SGCZ: variants seen among roughly 807,000 people sequenced by gnomAD.
The protein encoded by SGCZ is sarcoglycan zeta.
Under a neutral mutation model 41.3 loss-of-function variants are expected in SGCZ, and 40 were observed. The observed-to-expected ratio is 0.97, with a 90% CI of 0.75 to 1.26. The LOEUF is 1.26. Among genes scored for constraint, SGCZ ranks in the 50% most tolerant of loss-of-function variants. The probability of loss-of-function intolerance (pLI) is 0.00; values close to 1 mark genes in which losing one functional copy is unlikely to be tolerated. For synonymous variants in SGCZ, 206 were observed against 137.5 expected (o/e 1.50, Z -3.49); for missense variants, 552 against 369.8 (o/e 1.49, Z -4.04).
At chr8:14,371,276 G>C (rs2117161830) in intron 2 of SGCZ, among the ~76,000 whole-genome samples, 1 of 151,996 alleles carries the variant, frequency 6.6e-6, no homozygotes, top group South Asian at 2.1e-4. Flanking sequence ...TCCTGAATAA[G>C]ATATCAGAAA....
intron 3 of SGCZ, among the ~76,000 whole-genome samples, chr8:14,255,437 G>C (rs7816517): frequency 0.59 from 89,780 of 151,864 alleles, 27,411 homozygotes; most frequent in South Asian, 0.75. Flanking sequence ...TTAGCTTACT[G>C]CTTCTAATGC....
At chr8:14,527,939 A>C (rs758611761) in intron 2 of SGCZ, among the ~76,000 whole-genome samples, 1 of 152,070 alleles carries the variant, frequency 6.6e-6, no homozygotes, top group South Asian at 2.1e-4. Context: ...ATGCAAAAAC[A>C]TACTGTGAGC....
intron 2 of SGCZ, among the ~76,000 whole-genome samples, chr8:14,442,198 C>G (rs1197806550): frequency 6.6e-6 from 1 of 152,182 alleles, no homozygotes; most frequent in Non-Finnish European, 1.5e-5. Context: ...CACAAAATTC[C>G]CATGTGTCAT....
At chr8:14,683,838 G>A (rs899341586) in intron 1 of SGCZ, among the ~76,000 whole-genome samples, 4 of 152,034 alleles carry the variant, frequency 2.6e-5, no homozygotes, top group Non-Finnish European at 5.9e-5. Flanking sequence ...AGATTAATTA[G>A]CTTATCTGGA....
intron 1 of SGCZ, among the ~76,000 whole-genome samples, chr8:14,943,729 C>G (rs893845816): frequency 1.3e-5 from 2 of 152,162 alleles, no homozygotes; most frequent in Non-Finnish European, 2.9e-5. Context: ...CTCCCATCTT[C>G]CAAACTTCAC....
intron 1 of SGCZ, among the ~76,000 whole-genome samples, chr8:14,661,729 G>C (rs1291186259): frequency 2.0e-5 from 3 of 151,960 alleles, no homozygotes; most frequent in African/African-American, 4.8e-5. Context: ...AAGGAGAGTA[G>C]AGTAACACAT....
At chr8:14,219,542 T>A (rs978913591) in intron 4 of SGCZ, among the ~76,000 whole-genome samples, 2 of 151,878 alleles carry the variant, frequency 1.3e-5, no homozygotes, top group Non-Finnish European at 2.9e-5. Flanking sequence ...AGGTCAGGAG[T>A]TCGAGACCAG....
At chr8:14,758,492 T>C (rs1398290800) in intron 1 of SGCZ, among the ~76,000 whole-genome samples, 3 of 152,166 alleles carry the variant, frequency 2.0e-5, no homozygotes, top group African/African-American at 7.2e-5. Context: ...ACATTCGAAT[T>C]GGTTTCTAAT....
chr8:14,349,044 T>C (rs1052350472), intron 2 of SGCZ, among the ~76,000 whole-genome samples: 1 of 152,108 alleles, frequency 6.6e-6, no homozygotes, highest in Non-Finnish European at 1.5e-5. Context: ...TTTTTAATAC[T>C]AAGAGGAATG....
intron 1 of SGCZ, among the ~76,000 whole-genome samples, chr8:15,088,980 TAAC>T (rs1314677797): frequency 1.8e-4 from 28 of 152,288 alleles, no homozygotes; most frequent in African/African-American, 5.8e-4. Context: ...CTAATGTTCA[TAAC>T]AGTAAACACC....
At chr8:14,317,655 G>T (rs1490798205) in intron 3 of SGCZ, among the ~76,000 whole-genome samples, 1 of 151,870 alleles carries the variant, frequency 6.6e-6, no homozygotes, top group Non-Finnish European at 1.5e-5. Flanking sequence ...AAATGTTTCT[G>T]AACAACACGA....
At chr8:14,731,069 T>C (rs1048212236) in intron 1 of SGCZ, among the ~76,000 whole-genome samples, 7 of 151,866 alleles carry the variant, frequency 4.6e-5, no homozygotes, top group East Asian at 1.9e-4. Context: ...AATTCTACCA[T>C]AAACACACAT....
chr8:14,761,668 G>T (rs987559599), intron 1 of SGCZ, among the ~76,000 whole-genome samples: 1 of 151,542 alleles, frequency 6.6e-6, no homozygotes, highest in Non-Finnish European at 1.5e-5. Context: ...TGGGATTACC[G>T]GTATGCGCCG....
chr8:14,144,743 AGCCTATT>A (rs1371171120), intron 5 of SGCZ, among the ~76,000 whole-genome samples: 3 of 152,024 alleles, frequency 2.0e-5, no homozygotes, highest in Non-Finnish European at 4.4e-5. Context: ...GCCAGAGGGG[AGCCTATT>A]GCCCTGAAGC....
At chr8:15,215,358 G>C (rs1801364172) in intron 1 of SGCZ, among the ~76,000 whole-genome samples, 1 of 152,282 alleles carries the variant, frequency 6.6e-6, no homozygotes, top group South Asian at 2.1e-4. Flanking sequence ...AAACCTTTCA[G>C]AAAAATTCCA....
intron 1 of SGCZ, among the ~76,000 whole-genome samples, chr8:15,135,012 G>A (rs754012758): frequency 7.2e-5 from 11 of 152,254 alleles, no homozygotes; most frequent in Non-Finnish European, 1.2e-4. Context: ...TTGCTCTTCA[G>A]TTGCTACATT....
intron 1 of SGCZ, among the ~76,000 whole-genome samples, chr8:14,679,448 CTAATA>C (rs1410449300): frequency 4.0e-5 from 6 of 151,434 alleles, no homozygotes; most frequent in Admixed American, 3.3e-4. Flanking sequence ...TAGGCCCAAA[CTAATA>C]TGTGTGTTCG....
At chr8:14,251,693 T>G (rs1464264673) in intron 3 of SGCZ, among the ~76,000 whole-genome samples, 1 of 152,168 alleles carries the variant, frequency 6.6e-6, no homozygotes, top group African/African-American at 2.4e-5. Flanking sequence ...TAATGCATAG[T>G]ATTAGACTTG....
At chr8:14,188,696 A>C (rs549590566) in intron 4 of SGCZ, among the ~76,000 whole-genome samples, 1 of 152,298 alleles carries the variant, frequency 6.6e-6, no homozygotes, top group South Asian at 2.1e-4. Context: ...TGATATGTGA[A>C]TTATATTCCA....
Sources: allele counts gnomAD v4.1 joint callset (sites outside exome capture counted in the v4.1 genomes callset), GRCh38; gene constraint gnomAD v4.1.1; transcripts MANE v1.5; gene names NCBI Gene and HGNC (gene_info 2026-07-23, HGNC 2026-07-21).